EXO1: variants seen among roughly 807,000 people sequenced by gnomAD.
The protein encoded by EXO1 is exonuclease 1.
EXO1 carries 69 observed loss-of-function variants against 84.5 expected under a neutral mutation model. The ratio of observed to expected loss-of-function variants is 0.82; its 90% confidence interval spans 0.67 to 1.00. The LOEUF is 1.00. Among genes scored for constraint, EXO1 ranks in the 50% least tolerant of loss-of-function variants. The pLI, the probability that EXO1 is intolerant of heterozygous loss-of-function variation, is 0.00. For synonymous variants in EXO1, 373 were observed against 366.1 expected (o/e 1.02, Z -0.21); for missense variants, 1,045 against 1,000.7 (o/e 1.04, Z -0.60).
chr1:241,879,445 A>G lies in EXO1; in HGVS notation c.2109+102A>G, dbSNP rs1662614699. On this transcript the variant is annotated intron_variant, in intron 13 of 15. Transcript: ENST00000366548. ...TTTTCCTACATGTGAATGACGAGCT[A>G]TATTATTTTTTCATTCTAAACTCTA... is the stretch of plus-strand genomic sequence containing the variant. 2.3e-5 allele frequency: 16 copies of G among 690,830 alleles called. No homozygotes were observed. The South Asian group carries it at 2.9e-4, about 12-fold the overall frequency. The allele number at this position is 690,830 out of a possible 1,614,324, so 42.8% of individuals were successfully genotyped here. A position where few individuals can be genotyped will look rare whatever the true frequency, so the allele number is the denominator to read the frequency against.
intron 4 of EXO1, 107 bp downstream of exon 4, chr1:241,850,693 C>A: frequency 1.1e-6 from 1 of 904,832 alleles, no homozygotes; most frequent in Non-Finnish European, 1.8e-6. Flanking sequence ...CAGAACTTAT[C>A]AGGAAGTAAA....
chr1:241,861,755 A>C (rs969557565), intron 10 of EXO1, among the ~76,000 whole-genome samples: 1 of 152,186 alleles, frequency 6.6e-6, no homozygotes, highest in African/African-American at 2.4e-5. Flanking sequence ...TTTCATTTGA[A>C]TATACCAAGC....
chr1:241,861,795 C>T (rs1295440305), intron 10 of EXO1, among the ~76,000 whole-genome samples: 1 of 152,158 alleles, frequency 6.6e-6, no homozygotes, highest in Non-Finnish European at 1.5e-5. Flanking sequence ...CATCTCACTC[C>T]GTTCGGCTTC....
chr1:241,876,093 G>A (rs1486004366), intron 12 of EXO1, among the ~76,000 whole-genome samples: 1 of 152,136 alleles, frequency 6.6e-6, no homozygotes, highest in Non-Finnish European at 1.5e-5. Flanking sequence ...GAAGCTTAAG[G>A]AAGTCTTCAA....
intron 13 of EXO1, among the ~76,000 whole-genome samples, chr1:241,879,831 C>G (rs370902236): frequency 5.8e-4 from 88 of 151,946 alleles, no homozygotes; most frequent in African/African-American, 2.1e-3. Context: ...ATGGTGAAAC[C>G]CTGTCTCTCC....
At chr1:241,876,884 G>C (rs762647276) in intron 12 of EXO1, among the ~76,000 whole-genome samples, 5 of 152,072 alleles carry the variant, frequency 3.3e-5, no homozygotes, top group Non-Finnish European at 7.4e-5. Flanking sequence ...TTTTAGTTGA[G>C]TCGTCTTTCA....
At chr1:241,854,257 C>T (rs1660832543) in intron 6 of EXO1, among the ~76,000 whole-genome samples, 1 of 152,190 alleles carries the variant, frequency 6.6e-6, no homozygotes, top group Admixed American at 6.5e-5. Flanking sequence ...CCTGCCTCAG[C>T]CTCCCAAGTA....
chr1:241,879,287 C>A lies in EXO1; in HGVS notation c.2053C>A (p.Gln685Lys). The A allele has an allele frequency of 6.2e-7, 1 of 1,604,944 alleles. No homozygotes were observed. The highest frequency in any genetic ancestry group is 8.5e-7 in the Non-Finnish European group (1 of 1,177,272). ...CCAGGAAAGTGGAGAATTCTCACTG[C>A]AGAGTTCAAATGCATCAAAGCTTTC... Reference protein sequence around the residue: ...QSQESGEFSLQSSNASKLSQC... With the variant: ...QSQESGEFSLKSSNASKLSQC... Residue 685 changes from glutamine (Q) to lysine (K), a missense_variant, in exon 13 of 16, where the codon CAG (glutamine) becomes AAG (lysine). Coordinates refer to ENST00000366548, the MANE Select transcript of EXO1 (RefSeq NM_130398.4).
At chr1:241,873,733 T>A (rs1362191823) in intron 12 of EXO1, among the ~76,000 whole-genome samples, 5 of 152,138 alleles carry the variant, frequency 3.3e-5, no homozygotes, top group African/African-American at 1.2e-4. Flanking sequence ...AGTACAGAGA[T>A]AAAGGCATGA....
At chr1:241,860,455 T>G in intron 8 of EXO1, 62 bp from the exon 9 acceptor site, 1 of 1,268,634 alleles carries the variant, frequency 7.9e-7, no homozygotes, top group Non-Finnish European at 1.2e-6. Flanking sequence ...TCAATCAGCC[T>G]TGAGGATAAT....
chr1:241,861,725 C>T (rs1488982078), intron 10 of EXO1, among the ~76,000 whole-genome samples: 1 of 152,126 alleles, frequency 6.6e-6, no homozygotes, highest in African/African-American at 2.4e-5. Flanking sequence ...TATTTATTAT[C>T]AAACCCTTAT....
In EXO1 at chr1:241,852,543, G is replaced by A. The variant is rs1319281657; in HGVS notation, c.281+132G>A. ...ACCTGTTGTCCTAGGTACTCGGGAG[G>A]TTGAGGCAAGAGGATCACTTGAGCC... On this transcript the variant is annotated intron_variant, in intron 5 of 15. Transcript: ENST00000366548. 5.1e-6 allele frequency: 4 copies of A among 786,158 alleles called. No homozygotes were observed. In the African/African-American group the frequency reaches 6.8e-5, roughly 13 times the overall value. The allele number at this position is 786,158 out of a possible 1,614,324, so 48.7% of individuals were successfully genotyped here.
intron 13 of EXO1, among the ~76,000 whole-genome samples, chr1:241,881,598 C>G (rs938710527): frequency 6.6e-6 from 1 of 152,198 alleles, no homozygotes; most frequent in Admixed American, 6.5e-5. Context: ...CTTAACCACA[C>G]GTGCGTAACG....
chr1:241,887,640 A>G (rs577601693), intron 15 of EXO1, among the ~76,000 whole-genome samples: 10 of 151,750 alleles, frequency 6.6e-5, no homozygotes, highest in African/African-American at 9.7e-5. Flanking sequence ...TTGTTTGTTT[A>G]TTTATTTATT....
At chr1:241,870,838 T>C (rs767834563) in intron 11 of EXO1, among the ~76,000 whole-genome samples, 2 of 152,228 alleles carry the variant, frequency 1.3e-5, no homozygotes, top group African/African-American at 2.4e-5. Context: ...ATATAATGTT[T>C]AACTGAATCA....
rs375518822 is a variant in EXO1 at position 241,870,154 on chromosome 1, G to A, written c.1268-1878G>A. 6.6e-5 allele frequency among the ~76,000 whole-genome samples: 10 copies of A among 152,216 alleles called. No individual in the cohort carries two copies. In the East Asian group the frequency reaches 1.9e-3, roughly 29 times the overall value. The stretch of plus-strand genomic sequence containing the variant: ...TCTTCTGCTACAATCAAGACACGCT[G>A]TCCATTTTATGTAGCTAGCTCACTG... On this transcript the variant is annotated intron_variant, in intron 11 of 15. Transcript: ENST00000366548.
chr1:241,867,225 A>G lies in EXO1; in HGVS notation c.1267+170A>G, dbSNP rs1661799841. ...ACACATACCTGAGACTGGGCAATTT[A>G]CAAAAGAAAGAGGTTTAATGGACGC... On this transcript the variant is annotated intron_variant, in intron 11 of 15. Coordinates refer to ENST00000366548, the MANE Select transcript of EXO1 (RefSeq NM_130398.4). Among the ~76,000 whole-genome samples the G allele has an allele frequency of 2.0e-5, 3 of 152,230 alleles. No individual in the cohort carries two copies. In the South Asian group the frequency reaches 6.2e-4, roughly 31 times the overall value.
In EXO1 at chr1:241,861,430, T is replaced by G; in HGVS notation, c.969T>G (p.Leu323=). 6.4e-7 allele frequency: 1 copy of G among 1,567,668 alleles called. No homozygotes were observed. The highest frequency in any genetic ancestry group is 1.1e-5 in the South Asian group (1 of 90,150). Reference sequence around the variant, plus strand: ...GATATGTTGATGATTCCATAGCTCTTCAAATAGCACTTGGAAATAAAGATA... The same window carrying G: ...GATATGTTGATGATTCCATAGCTCTGCAAATAGCACTTGGAAATAAAGATA... ...AGQYVDDSIA[L]QIALGNKDIN... Residue 323 remains leucine, a synonymous_variant, in exon 10 of 16, where the codon CTT becomes CTG. Coordinates refer to ENST00000366548, the MANE Select transcript of EXO1 (RefSeq NM_130398.4).
intron 12 of EXO1, among the ~76,000 whole-genome samples, chr1:241,874,580 T>G (rs1574169699): frequency 6.6e-6 from 1 of 152,190 alleles, no homozygotes; most frequent in Non-Finnish European, 1.5e-5. Flanking sequence ...ATCATGAGAT[T>G]GTGAAGAGTC....
Sources: allele counts gnomAD v4.1 joint callset (sites outside exome capture counted in the v4.1 genomes callset), GRCh38; gene constraint gnomAD v4.1.1; transcripts MANE v1.5; gene names NCBI Gene and HGNC (gene_info 2026-07-23, HGNC 2026-07-21).